MFAP2: variants seen among roughly 807,000 people sequenced by gnomAD.
MFAP2 encodes the protein microfibrillar-associated protein 2.
A neutral mutation model predicts 30.6 loss-of-function variants in MFAP2; 23 were observed. The observed-to-expected ratio is 0.75, with a 90% CI of 0.54 to 1.07. The LOEUF (loss-of-function observed/expected upper bound fraction) is 1.07, where lower values mean the gene tolerates loss of function less well. Among genes scored for constraint, MFAP2 ranks in the 50% least tolerant of loss-of-function variants. MFAP2 has a pLI of 0.00. For missense variants in MFAP2, 198 were observed against 223.8 expected, an observed-to-expected ratio of 0.88 and a Z score of 0.74; for synonymous variants, 73 against 85.7, an observed-to-expected ratio of 0.85 and a Z score of 0.82.
chr1:16,975,129 C>G lies in MFAP2; in HGVS notation c.449-106G>C. 2 of 1,305,750 alleles carry G rather than the reference C, an allele frequency of 1.5e-6. No homozygotes were observed. Among genetic ancestry groups the G allele is most frequent in the Non-Finnish European group, 1.1e-6 (1 of 923,734 alleles). 80.9% of individuals were successfully genotyped at this position (1,305,750 alleles called of 1,614,324 possible). A position where few individuals can be genotyped will look rare whatever the true frequency, so the allele number is the denominator to read the frequency against. On this transcript the variant is annotated intron_variant, in intron 8 of 8. Coordinates refer to ENST00000375535, the MANE Select transcript of MFAP2 (RefSeq NM_002403.4). This position sits in a 1 kb window ranked among gnomAD's most constrained non-coding sequence, Gnocchi z 5.0. ...GGAGTGTTTTGAGGATGAAAAGTAG[C>G]AAGGAGGGGAGCTCAGGGTGTCCTG...
At position 16,977,306 on chromosome 1, in the gene MFAP2, C is replaced by G. The variant is rs2076601868; in HGVS notation, c.38-108G>C. The G allele has an allele frequency of 8.2e-6, 8 of 976,056 alleles. No individual in the cohort carries two copies. The South Asian group carries it at 1.1e-4, about 13-fold the overall frequency. 60.5% of individuals were successfully genotyped at this position (976,056 alleles called of 1,614,324 possible). On this transcript the variant is annotated intron_variant, in intron 2 of 8. Transcript: ENST00000375535. ...GTCACAAGGTCAGGCCCATAAGAGC[C>G]TAGGACCCCACAAGCAGATTCCTAG...
Position 16,974,885 on chromosome 1 carries a change from C to G in MFAP2, c.*35G>C. 1 of 612,008 alleles carries G rather than the reference C, an allele frequency of 1.6e-6. No homozygotes were observed. The highest frequency in any genetic ancestry group is 2.9e-6 in the Non-Finnish European group (1 of 347,400). The allele number at this position is 612,008 out of a possible 1,614,324, so 37.9% of individuals were successfully genotyped here. On this transcript the variant is annotated 3_prime_UTR_variant, in exon 9 of 9. Transcript: ENST00000375535. ...AGGCAGGGCCCGAGGGCCCCAGATC[C>G]CAGGAGGGCCAGGACTCAGGATGCC...
chr1:16,979,445 GGTCTTTCCCTCCTTCCTCTCAATCCTGA>G (rs2076619361), intron 1 of MFAP2, among the ~76,000 whole-genome samples: 1 of 152,198 alleles, frequency 6.6e-6, no homozygotes, highest in Admixed American at 6.5e-5. Flanking sequence ...GAAAGCAGGA[GGTCTTTCCCTCCTTCCTCTCAATCCTGA>G]GGCCTCCTGA....
chr1:16,976,585 G>A lies in MFAP2; in HGVS notation c.242-40C>T. ...GAGGTAGGCAGACATCACTGGGAGG[G>A]GTCTCCTCAGGGCAAGGGGAGTCAC... On this transcript the variant is annotated intron_variant, in intron 5 of 8. Transcript: ENST00000375535. The surrounding 1 kb of genome is among the most constrained non-coding windows in gnomAD (Gnocchi z 5.5). The A allele has an allele frequency of 3.7e-6, 6 of 1,613,866 alleles. No homozygotes were observed. The highest frequency in any genetic ancestry group is 5.1e-6 in the Non-Finnish European group (6 of 1,179,770).
At chr1:16,978,337 G>A (rs1239813809) in intron 1 of MFAP2, 23 bp from the exon 2 acceptor site, 8 of 1,536,514 alleles carry the variant, frequency 5.2e-6, no homozygotes, top group Non-Finnish European at 7.1e-6. Flanking sequence ...CGGTGGGAGA[G>A]CTCTACCCAG....
In MFAP2 at chr1:16,975,631, A is replaced by G; in HGVS notation, c.374+12T>C. 1 of 1,613,516 alleles carries G rather than the reference A, an allele frequency of 6.2e-7. No homozygotes were observed. Among genetic ancestry groups the G allele is most frequent in the Non-Finnish European group, 8.5e-7 (1 of 1,179,614 alleles). On this transcript the variant is annotated intron_variant, in intron 7 of 8. Coordinates refer to ENST00000375535, the MANE Select transcript of MFAP2 (RefSeq NM_002403.4). This position sits in a 1 kb window ranked among gnomAD's most constrained non-coding sequence, Gnocchi z 5.0. The stretch of plus-strand genomic sequence containing the variant: ...TCCGGAATCCTCCCGACAGCTGCCC[A>G]TCTGTGCTCACCTGTAGAAGCAGAC...
rs748935823 is a variant in MFAP2, at chr1:16,975,381, C to T, written c.375-39G>A. On this transcript the variant is annotated intron_variant, in intron 7 of 8. Transcript: ENST00000375535. This position sits in a 1 kb window ranked among gnomAD's most constrained non-coding sequence, Gnocchi z 5.0. ...GCACGGGAGGTCTCAGCCCCACTTC[C>T]ACCCAATCCCACTGGGATAGCCCAG... is the stretch of plus-strand genomic sequence containing the variant. 1 of 1,601,544 alleles carries T rather than the reference C, an allele frequency of 6.2e-7. No homozygotes were observed. Among genetic ancestry groups the T allele is most frequent in the Non-Finnish European group, 8.5e-7 (1 of 1,171,258 alleles).
At position 16,978,070 on chromosome 1, in the gene MFAP2, G is replaced by A. The variant is rs529358377; in HGVS notation, c.37+167C>T. ...CAGGAGCTGCCTCCAGATGCTGCCA[G>A]GGTTGGCTGGTCCAGTCTGTGGTCC... On this transcript the variant is annotated intron_variant, in intron 2 of 8. Transcript: ENST00000375535. The A allele has an allele frequency of 8.1e-4, 547 of 674,798 alleles. 9 individuals are homozygous for A. The South Asian group carries it at 8.6e-3, about 11-fold the overall frequency. 41.8% of individuals were successfully genotyped at this position (674,798 alleles called of 1,614,324 possible). A position where few individuals can be genotyped will look rare whatever the true frequency, so the allele number is the denominator to read the frequency against.
At chr1:16,979,724 G>T (rs1220485847) in intron 1 of MFAP2, among the ~76,000 whole-genome samples, 1 of 152,258 alleles carries the variant, frequency 6.6e-6, no homozygotes, top group Non-Finnish European at 1.5e-5. Flanking sequence ...CTGAATTGGG[G>T]CAAGAGGGGT....
At chr1:16,977,351 G>C (rs1049037922) in intron 2 of MFAP2, 153 bp from the exon 3 acceptor site, 1 of 704,424 alleles carries the variant, frequency 1.4e-6, no homozygotes, top group Admixed American at 2.8e-5. Flanking sequence ...ACTCTTCTTC[G>C]ATGGTAAAGA....
intron 1 of MFAP2, among the ~76,000 whole-genome samples, chr1:16,980,213 C>G (rs930172980): frequency 1.3e-5 from 2 of 151,888 alleles, no homozygotes; most frequent in Non-Finnish European, 2.9e-5. Flanking sequence ...CTCGCGCTCC[C>G]GTCTCTGATC....
chr1:16,979,380 C>G (rs1271670833), intron 1 of MFAP2, among the ~76,000 whole-genome samples: 1 of 152,182 alleles, frequency 6.6e-6, no homozygotes, highest in Non-Finnish European at 1.5e-5. Flanking sequence ...CTGGAAACCC[C>G]AACTTTGGTC....
In MFAP2 at chr1:16,976,425, C is replaced by T. The variant is rs2076591863; in HGVS notation, c.286+76G>A. 2.1e-5 allele frequency: 34 copies of T among 1,587,672 alleles called. No homozygotes were observed. Among genetic ancestry groups the T allele is most frequent in the Non-Finnish European group, 2.6e-5 (30 of 1,156,186 alleles). ...TGGGCAAGGGCCAAAGACCTCCAGC[C>T]CACCAGCACCACCCCCTACTCCACC... On this transcript the variant is annotated intron_variant, in intron 6 of 8. Transcript: ENST00000375535. The surrounding 1 kb of genome is among the most constrained non-coding windows in gnomAD (Gnocchi z 5.5).
At chr1:16,977,289 G>A in intron 2 of MFAP2, 91 bp from the exon 3 acceptor site, 2 of 1,294,728 alleles carry the variant, frequency 1.5e-6, no homozygotes, top group Non-Finnish European at 2.2e-6. Context: ...GGGTCACAAG[G>A]TCAGGCCCAT....
At position 16,975,004 on chromosome 1, in the gene MFAP2, C is replaced by T. The variant is rs542984013; in HGVS notation, c.468G>A (p.Lys156=). ...TGGCCATCACGCCACATTTGGAGAA[C>T]TTGTCCCGACAGAGGTCAGCTATTG... ...ELLRADLCRD[K]FSKCGVMASS... is the part of the protein sequence containing the mutation. The change falls in exon 9 of 9, where the codon AAG becomes AAA. Residue 156 remains lysine (K), a synonymous_variant. Coordinates refer to ENST00000375535, the MANE Select transcript of MFAP2 (RefSeq NM_002403.4). This position sits in a 1 kb window ranked among gnomAD's most constrained non-coding sequence, Gnocchi z 5.0. 1 of 878,122 alleles carries T rather than the reference C, an allele frequency of 1.1e-6. No individual in the cohort carries two copies. Among genetic ancestry groups the T allele is most frequent in the East Asian group, 2.7e-5 (1 of 37,676 alleles). The allele number at this position is 878,122 out of a possible 1,614,324, so 54.4% of individuals were successfully genotyped here. A position where few individuals can be genotyped will look rare whatever the true frequency, so the allele number is the denominator to read the frequency against.
intron 1 of MFAP2, among the ~76,000 whole-genome samples, chr1:16,980,002 G>A (rs1438285714): frequency 6.6e-6 from 1 of 151,556 alleles, no homozygotes; most frequent in East Asian, 2.0e-4. Flanking sequence ...CCACAGCTGC[G>A]GCCTCCCCCA....
At chr1:16,979,390 C>G (rs1183364253) in intron 1 of MFAP2, among the ~76,000 whole-genome samples, 2 of 152,182 alleles carry the variant, frequency 1.3e-5, no homozygotes, top group Admixed American at 1.3e-4. Flanking sequence ...CAACTTTGGT[C>G]TATTTTCCCC....
chr1:16,976,656 G>T lies in MFAP2; in HGVS notation c.241+52C>A, dbSNP rs2076593889. Reference sequence around the variant, plus strand: ...CCCCACTCCCAGGGTTGACAGGGTGGGGAGGGGTGAGGCAGGAGCTGAGAC... The same window carrying T: ...CCCCACTCCCAGGGTTGACAGGGTGTGGAGGGGTGAGGCAGGAGCTGAGAC... On this transcript the variant is annotated intron_variant, in intron 5 of 8. Transcript: ENST00000375535. This position sits in a 1 kb window ranked among gnomAD's most constrained non-coding sequence, Gnocchi z 5.5. 1 of 1,610,264 alleles carries T rather than the reference G, an allele frequency of 6.2e-7. No individual in the cohort carries two copies. Among genetic ancestry groups the T allele is most frequent in the Non-Finnish European group, 8.5e-7 (1 of 1,177,818 alleles).
Position 16,974,842 on chromosome 1 carries a change from G to A in MFAP2, c.*78C>T. On this transcript the variant is annotated 3_prime_UTR_variant, in exon 9 of 9. Coordinates refer to ENST00000375535, the MANE Select transcript of MFAP2 (RefSeq NM_002403.4). ...CAGAATAAAAGGAACATGGGGATGG[G>A]GAAAAAAGCACCAGGTCAGGCAGGG... The A allele has an allele frequency of 1.8e-6, 1 of 562,598 alleles. No homozygotes were observed. The highest frequency in any genetic ancestry group is 2.9e-5 in the East Asian group (1 of 34,972). The allele number at this position is 562,598 out of a possible 1,614,324, so 34.9% of individuals were successfully genotyped here. A position where few individuals can be genotyped will look rare whatever the true frequency, so the allele number is the denominator to read the frequency against.
Sources: allele counts gnomAD v4.1 joint callset (sites outside exome capture counted in the v4.1 genomes callset), GRCh38; gene constraint gnomAD v4.1.1; non-coding constraint Gnocchi (gnomAD v3.1); transcripts MANE v1.5; gene names NCBI Gene and HGNC (gene_info 2026-07-23, HGNC 2026-07-21).